ADGRF3: variants seen among roughly 807,000 people sequenced by gnomAD.
The protein encoded by ADGRF3 is G protein-coupled receptor 113.
Under a neutral mutation model 93.2 loss-of-function variants are expected in ADGRF3, and 85 were observed. That is an observed-to-expected ratio of 0.91 (90% confidence interval 0.77 to 1.09). The LOEUF (loss-of-function observed/expected upper bound fraction) is 1.09. Among genes scored for constraint, ADGRF3 ranks in the 50% least tolerant of loss-of-function variants. The pLI is 0.00. For synonymous variants in ADGRF3, 534 were observed against 532.5 expected (o/e 1.00, Z -0.04); for missense variants, 1,125 against 1,246.2 (o/e 0.90, Z 1.46).
At chr2:26,338,620 G>T (rs1471620386) in intron 1 of ADGRF3, among the ~76,000 whole-genome samples, 1 of 151,962 alleles carries the variant, frequency 6.6e-6, no homozygotes, top group Non-Finnish European at 1.5e-5. Context: ...GTGCCACCAC[G>T]CCCGGCTAAT....
Position 26,322,721 on chromosome 2 carries a change from A to C in ADGRF3, c.115-5159T>G, listed in dbSNP as rs17047483. On this transcript the variant is annotated intron_variant, in intron 1 of 13. Transcript: ENST00000651242. ...TTTGTATCAAATCAATCAATCAATA[A>C]ATGGAATACACCAAGACATAAACGG... Among the ~76,000 whole-genome samples, 559 of 152,306 alleles carry C rather than the reference A, an allele frequency of 3.7e-3. 2 individuals are homozygous for C. Among genetic ancestry groups the C allele is most frequent in the African/African-American group, 0.013 (535 of 41,568 alleles).
In ADGRF3 at chr2:26,313,476, C is replaced by T. The variant is rs775755594; in HGVS notation, c.1170G>A (p.Arg390=). Residue 390 remains arginine (R), a synonymous_variant, in exon 8 of 14, where the codon AGG becomes AGA. Transcript: ENST00000651242. ...CCCCACAGAGCCTCCTCACTATGCC[C>T]CTCTTGCTCTCAGGACATGGGGCCT... ...VAQAPCPESK[R]GIVRRLCGAD... The T allele has an allele frequency of 3.7e-6, 6 of 1,611,604 alleles. No individual in the cohort carries two copies. The highest frequency in any genetic ancestry group is 3.4e-6 in the Non-Finnish European group (4 of 1,179,024).
At chr2:26,333,132 T>C (rs1353777094) in intron 1 of ADGRF3, among the ~76,000 whole-genome samples, 1 of 152,130 alleles carries the variant, frequency 6.6e-6, no homozygotes, top group East Asian at 1.9e-4. Flanking sequence ...ACCAGTGAAA[T>C]ACTTCCTCGA....
At chr2:26,339,643 T>C (rs1364099053) in intron 1 of ADGRF3, among the ~76,000 whole-genome samples, 2 of 152,196 alleles carry the variant, frequency 1.3e-5, no homozygotes, top group African/African-American at 4.8e-5. Flanking sequence ...ATAGACTCCA[T>C]GGTCCCTCTG....
At chr2:26,312,132 G>C in intron 9 of ADGRF3, 58 bp from the exon 10 acceptor site, 1 of 1,508,198 alleles carries the variant, frequency 6.6e-7, no homozygotes, top group South Asian at 1.3e-5. Context: ...GACTGAGCCG[G>C]GGGCAATGAG....
intron 1 of ADGRF3, chr2:26,318,841 C>G: frequency 9.4e-5 from 137 of 1,457,440 alleles, no homozygotes; most frequent in Non-Finnish European, 1.2e-4. Context: ...TTACACATTA[C>G]TTCCTCTCCC....
rs942683402 is a variant in ADGRF3, at chr2:26,313,449, A to G, written c.1197T>C (p.Ala399=). Residue 399 remains alanine (A), a synonymous_variant, in exon 8 of 14, where the codon GCT becomes GCC. Coordinates refer to ENST00000651242, the MANE Select transcript of ADGRF3 (RefSeq NM_001321971.2). Reference sequence around the variant, plus strand: ...TGTGGACCGGCCCCCAGACTCCGTCAGCCCCACAGAGCCTCCTCACTATGC... The same window carrying G: ...TGTGGACCGGCCCCCAGACTCCGTCGGCCCCACAGAGCCTCCTCACTATGC... ...KRGIVRRLCG[A]DGVWGPVHSS... The G allele has an allele frequency of 5.0e-6, 8 of 1,610,558 alleles. No homozygotes were observed. The highest frequency in any genetic ancestry group is 6.8e-6 in the Non-Finnish European group (8 of 1,178,536).
chr2:26,337,674 C>T (rs371531552), intron 1 of ADGRF3, among the ~76,000 whole-genome samples: 2 of 152,162 alleles, frequency 1.3e-5, no homozygotes, highest in African/African-American at 2.4e-5. Context: ...GGCTAAGTAT[C>T]GTGAGTAAAT....
intron 1 of ADGRF3, among the ~76,000 whole-genome samples, chr2:26,336,073 T>C (rs1383967722): frequency 2.0e-5 from 3 of 152,156 alleles, no homozygotes; most frequent in Non-Finnish European, 4.4e-5. Context: ...CAGAAAAGAA[T>C]AGATAATTTC....
intron 1 of ADGRF3, among the ~76,000 whole-genome samples, chr2:26,335,733 A>T (rs1345011295): frequency 1.3e-5 from 2 of 152,056 alleles, no homozygotes; most frequent in Non-Finnish European, 2.9e-5. Context: ...TTACAGTTTA[A>T]GTTCTTATAT....
At chr2:26,338,877 C>A (rs1246419689) in intron 1 of ADGRF3, among the ~76,000 whole-genome samples, 3 of 151,986 alleles carry the variant, frequency 2.0e-5, no homozygotes, top group South Asian at 2.1e-4. Flanking sequence ...GTGGCTCACG[C>A]CTGTAATCCC....
At chr2:26,335,561 T>G (rs913851373) in intron 1 of ADGRF3, among the ~76,000 whole-genome samples, 2 of 152,168 alleles carry the variant, frequency 1.3e-5, no homozygotes, top group African/African-American at 4.8e-5. Context: ...TATCAAGCAT[T>G]TTTCCACAGG....
Position 26,310,804 on chromosome 2 carries a change from A to C in ADGRF3, c.2720T>G (p.Leu907Arg), listed in dbSNP as rs1204274653. The change falls in exon 10 of 14, where the codon CTG becomes CGG. Residue 907 changes from leucine to arginine, a missense_variant. Coordinates refer to ENST00000651242, the MANE Select transcript of ADGRF3 (RefSeq NM_001321971.2). ...GCCAAAGATGGGTGTAAGAATGAGC[A>C]GGGCTTTGATCACCCCCAGCAGAGC... Reference protein sequence around the residue: ...RQALLGVIKALLILTPIFGLT... With the variant: ...RQALLGVIKARLILTPIFGLT... The C allele has an allele frequency of 6.2e-7, 1 of 1,613,816 alleles. No individual in the cohort carries two copies. Among genetic ancestry groups the C allele is most frequent in the Non-Finnish European group, 8.5e-7 (1 of 1,179,784 alleles).
At position 26,311,151 on chromosome 2, in the gene ADGRF3, C is replaced by A; in HGVS notation, c.2373G>T (p.Met791Ile). Residue 791 changes from methionine to isoleucine, a missense_variant, in exon 10 of 14, where the codon ATG (methionine) becomes ATT (isoleucine). Transcript: ENST00000651242. ...HFLYLATFFW[M>I]LAQALVLAHQ... ...GGGCCAACACCAGGGCCTGCGCCAG[C>A]ATCCAGAAAAAGGTGGCCAGGTAGA... The A allele has an allele frequency of 6.3e-7, 1 of 1,596,206 alleles. No homozygotes were observed.
In ADGRF3 at chr2:26,311,387, A is replaced by C; in HGVS notation, c.2137T>G (p.Ser713Ala). The C allele has an allele frequency of 6.2e-7, 1 of 1,613,986 alleles. No homozygotes were observed. The highest frequency in any genetic ancestry group is 8.5e-7 in the Non-Finnish European group (1 of 1,179,892). ...AGGCACACAAGCAGCGCCAGTATGG[A>C]AGCTCCCAAGCCCACTTGAGTCAGC... ...ALLTQVGLGA[S>A]ILALLVCLGV... Residue 713 changes from serine to alanine, a missense_variant, in exon 10 of 14, where the codon TCC (serine) becomes GCC (alanine). Transcript: ENST00000651242.
intron 12 of ADGRF3, 66 bp downstream of exon 12, chr2:26,309,977 G>A (rs773775301): frequency 6.2e-7 from 1 of 1,614,032 alleles, no homozygotes; most frequent in Non-Finnish European, 8.5e-7. Flanking sequence ...CCTCTGAGGA[G>A]GGCCATGGAA....
chr2:26,314,937 A>C (rs1454324039), intron 5 of ADGRF3: 1 of 332,038 alleles, frequency 3.0e-6, no homozygotes, highest in Admixed American at 4.4e-5. Context: ...TGTTCTCAGC[A>C]GACATTGAGA....
At chr2:26,327,728 G>C (rs529607699) in intron 1 of ADGRF3, among the ~76,000 whole-genome samples, 20 of 150,794 alleles carry the variant, frequency 1.3e-4, no homozygotes, top group Non-Finnish European at 5.9e-5. Flanking sequence ...GGGAGAGAGA[G>C]AGACAAAGAC....
Position 26,316,380 on chromosome 2 carries a change from T to C in ADGRF3, c.394A>G (p.Ile132Val), listed in dbSNP as rs1318637608. The C allele has an allele frequency of 6.4e-7, 1 of 1,551,818 alleles. No individual in the cohort carries two copies. Among genetic ancestry groups the C allele is most frequent in the Admixed American group, 2.0e-5 (1 of 51,004 alleles). Residue 132 changes from isoleucine to valine, a missense_variant, in exon 4 of 14, where the codon ATC becomes GTC. By Grantham distance (29) the Ile-to-Val change is conservative. Coordinates refer to ENST00000651242, the MANE Select transcript of ADGRF3 (RefSeq NM_001321971.2). Reference sequence around the variant, plus strand: ...TGACAAGGAGGGTAATGGAGGCAGATGCTGGTGTTCCACTGGTAGCCAGAG... The same window carrying C: ...TGACAAGGAGGGTAATGGAGGCAGACGCTGGTGTTCCACTGGTAGCCAGAG... ...CLSGYQWNTS[I>V]CLHYPPCQSL...
Sources: gnomAD v4.1 joint callset for allele counts (sites outside exome capture counted in the v4.1 genomes callset) on GRCh38, gnomAD v4.1.1 for gene constraint, MANE v1.5 for transcripts, NCBI Gene and HGNC (gene_info 2026-07-23, HGNC 2026-07-21) for gene names.